ZBTB20: variants seen among roughly 807,000 people sequenced by gnomAD.
The protein encoded by ZBTB20 is zinc finger and BTB domain-containing protein 20.
A neutral mutation model predicts 56.9 loss-of-function variants in ZBTB20; 9 were observed. That is an observed-to-expected ratio of 0.16 (90% confidence interval 0.10 to 0.28). The LOEUF is 0.28. Among genes scored for constraint, ZBTB20 ranks in the 10% least tolerant of loss-of-function variants. ZBTB20 has a pLI of 1.00. For synonymous variants in ZBTB20, 417 were observed against 420.7 expected, an observed-to-expected ratio of 0.99 and a Z score of 0.11; for missense variants, 655 against 1,003.0, an observed-to-expected ratio of 0.65 and a Z score of 4.69.
chr3:114,565,934 T>A (rs1298334538), intron 6 of ZBTB20, among the ~76,000 whole-genome samples: 1 of 152,100 alleles, frequency 6.6e-6, no homozygotes, highest in East Asian at 1.9e-4. Flanking sequence ...GAGCAATTAT[T>A]ATTATTATTT....
At chr3:115,023,830 A>G (rs1201436064) in intron 2 of ZBTB20, among the ~76,000 whole-genome samples, 1 of 151,072 alleles carries the variant, frequency 6.6e-6, no homozygotes, top group Non-Finnish European at 1.5e-5. Context: ...TACAATCAGA[A>G]TATTATTAAC....
chr3:114,763,451 G>C (rs1446001715), intron 5 of ZBTB20, among the ~76,000 whole-genome samples: 1 of 152,134 alleles, frequency 6.6e-6, no homozygotes, highest in African/African-American at 2.4e-5. Context: ...ATATTATTAA[G>C]ATAATGTGGA....
intron 5 of ZBTB20, chr3:114,758,772 C>T (rs1415343698): frequency 5.3e-5 from 8 of 152,116 alleles, no homozygotes; most frequent in South Asian, 4.1e-4. Flanking sequence ...CTCAGAAATA[C>T]GCTGAGCTCC....
At chr3:114,973,030 C>T (rs753079715) in intron 3 of ZBTB20, among the ~76,000 whole-genome samples, 1 of 152,060 alleles carries the variant, frequency 6.6e-6, no homozygotes, top group South Asian at 2.1e-4. Flanking sequence ...ACTTTAATAG[C>T]TAATAATAAA....
At chr3:115,145,436 T>C (rs1370530322) in intron 1 of ZBTB20, among the ~76,000 whole-genome samples, 3 of 152,194 alleles carry the variant, frequency 2.0e-5, no homozygotes, top group Non-Finnish European at 4.4e-5. Context: ...AGTGTAGTAT[T>C]TGCATTTAAC....
intron 6 of ZBTB20, among the ~76,000 whole-genome samples, chr3:114,656,201 CT>C (rs2060398809): frequency 6.6e-6 from 1 of 152,146 alleles, no homozygotes; most frequent in South Asian, 2.1e-4. Flanking sequence ...ACCCTTAGGG[CT>C]GCCTTTGAGA....
chr3:114,630,909 A>C (rs182131460), intron 6 of ZBTB20, among the ~76,000 whole-genome samples: 1 of 152,358 alleles, frequency 6.6e-6, no homozygotes, highest in East Asian at 1.9e-4. Context: ...AGAGATTATA[A>C]TCCAGTATTT....
intron 2 of ZBTB20, among the ~76,000 whole-genome samples, chr3:114,995,818 A>G (rs1576518327): frequency 6.6e-6 from 1 of 151,902 alleles, no homozygotes; most frequent in African/African-American, 2.4e-5. Context: ...AACCAAGTCA[A>G]AAATGAAACT....
At position 114,571,588 on chromosome 3, in the gene ZBTB20, G is replaced by T. The variant is rs144629050; in HGVS notation, c.-294-71197C>A. On this transcript the variant is annotated intron_variant, in intron 6 of 11. Transcript: ENST00000675478. The stretch of plus-strand genomic sequence containing the variant: ...AAGCAGCAAGGCTTTTGGTAGTCAA[G>T]CCACACAGCATTAAGCAGGGCCAAT... Among the ~76,000 whole-genome samples the T allele has an allele frequency of 2.3e-3, 352 of 152,220 alleles. 15 individuals carry two copies. Among genetic ancestry groups the T allele is most frequent in the Admixed American group, 0.021 (317 of 15,292 alleles).
chr3:114,996,437 T>G (rs1379023034), intron 2 of ZBTB20, among the ~76,000 whole-genome samples: 4 of 151,848 alleles, frequency 2.6e-5, no homozygotes, highest in African/African-American at 9.7e-5. Context: ...AAATCCCACT[T>G]ATGAGTGAGA....
At chr3:114,827,986 T>C (rs1195207258) in intron 4 of ZBTB20, among the ~76,000 whole-genome samples, 2 of 151,760 alleles carry the variant, frequency 1.3e-5, no homozygotes, top group Non-Finnish European at 3.0e-5. Context: ...GTCTACATTC[T>C]ATTAAACAAC....
At chr3:114,948,186 G>C (rs1031059489) in intron 3 of ZBTB20, among the ~76,000 whole-genome samples, 2 of 144,472 alleles carry the variant, frequency 1.4e-5, no homozygotes, top group Admixed American at 6.7e-5. Context: ...AAAATCCTAT[G>C]ATCTCAATAG....
intron 2 of ZBTB20, among the ~76,000 whole-genome samples, chr3:114,997,010 T>C (rs143736921): frequency 0.02 from 2,941 of 147,976 alleles, 44 homozygotes; most frequent in Non-Finnish European, 0.03. Flanking sequence ...TGTGGAGAAA[T>C]AGGAACGCTT....
At chr3:114,551,949 T>C (rs1314520947) in intron 6 of ZBTB20, among the ~76,000 whole-genome samples, 1 of 152,172 alleles carries the variant, frequency 6.6e-6, no homozygotes, top group Non-Finnish European at 1.5e-5. Flanking sequence ...GCGGCTCACA[T>C]CTATAATCCC....
At chr3:114,844,860 C>CTTTTTTTT (rs11396350) in intron 4 of ZBTB20, among the ~76,000 whole-genome samples, 66 of 130,324 alleles carry the variant, frequency 5.1e-4, no homozygotes, top group African/African-American at 6.3e-4. Context: ...TTTTCTTTTT[C>CTTTTTTTT]TTTTTTTTTT....
rs568481444 is a variant in ZBTB20 at position 114,406,207 on chromosome 3, T to C, written c.-254-17102A>G. Among the ~76,000 whole-genome samples the C allele has an allele frequency of 3.3e-5, 5 of 152,300 alleles. 1 individual carries two copies. The South Asian group carries it at 1.0e-3, about 32-fold the overall frequency. ...TGAACTTTTATCCGACTGAATTATA[T>C]GACCATGGCATTGCCACTCTATAGT... On this transcript the variant is annotated intron_variant, in intron 7 of 11. Transcript: ENST00000675478.
intron 3 of ZBTB20, among the ~76,000 whole-genome samples, chr3:114,952,512 G>C (rs1289674554): frequency 1.3e-5 from 2 of 151,430 alleles, no homozygotes; most frequent in Non-Finnish European, 2.9e-5. Context: ...AAAGGTATTT[G>C]ACAAAATAGT....
chr3:115,140,635 G>C (rs1424734214), intron 1 of ZBTB20, among the ~76,000 whole-genome samples: 1 of 151,900 alleles, frequency 6.6e-6, no homozygotes, highest in Non-Finnish European at 1.5e-5. Flanking sequence ...CTTTTGTAAT[G>C]GTAATCTGTG....
chr3:114,710,563 G>A (rs903672406), intron 5 of ZBTB20, among the ~76,000 whole-genome samples: 3 of 152,256 alleles, frequency 2.0e-5, no homozygotes, highest in East Asian at 3.9e-4. Context: ...GGGGTGAAAT[G>A]CCTGAAATTC....
Sources: allele counts gnomAD v4.1 joint callset (sites outside exome capture counted in the v4.1 genomes callset), GRCh38; gene constraint gnomAD v4.1.1; transcripts MANE v1.5; gene names NCBI Gene and HGNC (gene_info 2026-07-23, HGNC 2026-07-21).